The following PRKCE variants were observed in gnomAD, a reference collection of about 807,000 sequenced individuals.
PRKCE encodes the protein protein kinase C epsilon.
PRKCE carries 16 observed loss-of-function variants against 85.4 expected under a neutral mutation model. The ratio of observed to expected loss-of-function variants is 0.19; its 90% CI spans 0.13 to 0.28. The LOEUF is 0.28. Ranked by LOEUF, PRKCE falls within the 10% of genes least tolerant of loss-of-function variation. The pLI is 1.00. For synonymous variants in PRKCE, 388 were observed against 371.5 expected (o/e 1.04, Z -0.51); for missense variants, 573 against 975.2 (o/e 0.59, Z 5.49).
intron 1 of PRKCE, among the ~76,000 whole-genome samples, chr2:45,835,526 G>A (rs1478741334): frequency 6.6e-6 from 1 of 151,748 alleles, no homozygotes; most frequent in Non-Finnish European, 1.5e-5. Flanking sequence ...GGAATGCTAT[G>A]GTATATACTC....
chr2:46,106,755 G>A (rs114105940), intron 11 of PRKCE, among the ~76,000 whole-genome samples: 1 of 152,298 alleles, frequency 6.6e-6, no homozygotes, highest in African/African-American at 2.4e-5. Context: ...GGCCTTATTT[G>A]AATTAAATGA....
rs754540083 is a variant in PRKCE, at chr2:46,139,723, T to C, written c.1593-5370T>C. ...GTGTATATATATACATATATACATA[T>C]ACATATATATCTAGAGAGAGAGAGA... On this transcript the variant is annotated intron_variant, in intron 11 of 14. Transcript: ENST00000306156. This position sits in a 1 kb window ranked among gnomAD's most constrained non-coding sequence, Gnocchi z 5.2. Among the ~76,000 whole-genome samples the C allele has an allele frequency of 2.7e-4, 41 of 151,462 alleles. No individual in the cohort carries two copies. The highest frequency in any genetic ancestry group is 4.4e-4 in the Non-Finnish European group (30 of 67,930).
At chr2:46,116,793 T>A (rs1055385862) in intron 11 of PRKCE, among the ~76,000 whole-genome samples, 2 of 151,426 alleles carry the variant, frequency 1.3e-5, no homozygotes, top group African/African-American at 4.9e-5. Flanking sequence ...ATAGGAGGAG[T>A]AAAAGCATCC....
At chr2:46,074,716 A>G (rs1356321110) in intron 10 of PRKCE, among the ~76,000 whole-genome samples, 1 of 152,240 alleles carries the variant, frequency 6.6e-6, no homozygotes, top group East Asian at 1.9e-4. Context: ...TGTGAGGCCC[A>G]GCTCCAGCAT....
intron 12 of PRKCE, among the ~76,000 whole-genome samples, chr2:46,147,731 C>T (rs1676219680): frequency 6.6e-6 from 1 of 152,214 alleles, no homozygotes; most frequent in Non-Finnish European, 1.5e-5. Flanking sequence ...GTGCCCAGCC[C>T]ACAGGGAGTG....
chr2:45,997,511 G>C (rs1203385051), intron 6 of PRKCE, among the ~76,000 whole-genome samples: 1 of 151,742 alleles, frequency 6.6e-6, no homozygotes, highest in Non-Finnish European at 1.5e-5. Context: ...TAATTTTGAT[G>C]TTGTATTTTA....
chr2:45,974,207 C>G (rs1274673149), intron 2 of PRKCE, among the ~76,000 whole-genome samples: 1 of 152,224 alleles, frequency 6.6e-6, no homozygotes, highest in East Asian at 1.9e-4. Flanking sequence ...GAAACAAAAA[C>G]TTGCCTATGA....
At chr2:46,113,735 AG>A (rs1558468935) in intron 11 of PRKCE, among the ~76,000 whole-genome samples, 2 of 152,154 alleles carry the variant, frequency 1.3e-5, no homozygotes, top group African/African-American at 4.8e-5. Context: ...AGCCCTGGGT[AG>A]GGGTAGCTTT....
intron 1 of PRKCE, among the ~76,000 whole-genome samples, chr2:45,787,354 CAGAG>C (rs57126648): frequency 1.5e-4 from 22 of 151,274 alleles, no homozygotes; most frequent in African/African-American, 4.6e-4. Flanking sequence ...GAGACAGAGA[CAGAG>C]AGAGAGAGAG....
chr2:45,925,882 C>T (rs1177644411), intron 2 of PRKCE, among the ~76,000 whole-genome samples: 1 of 152,206 alleles, frequency 6.6e-6, no homozygotes, highest in African/African-American at 2.4e-5. Context: ...TTTGCATAAG[C>T]AGATAAAATA....
At chr2:45,829,946 G>A (rs1258058807) in intron 1 of PRKCE, among the ~76,000 whole-genome samples, 29 of 151,532 alleles carry the variant, frequency 1.9e-4, no homozygotes, top group Admixed American at 1.2e-3. Flanking sequence ...GGTAGCGGGC[G>A]CCTGTAGTCC....
chr2:46,131,300 T>TGGTCTTGAAGC (rs909564618), intron 11 of PRKCE, among the ~76,000 whole-genome samples: 3 of 152,268 alleles, frequency 2.0e-5, no homozygotes, highest in Admixed American at 2.0e-4. Flanking sequence ...ATTTGAGAAG[T>TGGTCTTGAAGC]GGTCTTGAAG....
chr2:45,739,466 C>G (rs1682365560), intron 1 of PRKCE, among the ~76,000 whole-genome samples: 1 of 152,158 alleles, frequency 6.6e-6, no homozygotes, highest in African/African-American at 2.4e-5. Context: ...CCTTTTACAG[C>G]CTGCAGAGGA....
intron 10 of PRKCE, among the ~76,000 whole-genome samples, chr2:46,025,587 G>A (rs1413964122): frequency 6.6e-6 from 1 of 152,132 alleles, no homozygotes; most frequent in African/African-American, 2.4e-5. Context: ...CCCCTTCCGG[G>A]TCACATACAC....
At chr2:45,728,374 T>C (rs1421351744) in intron 1 of PRKCE, among the ~76,000 whole-genome samples, 1 of 152,196 alleles carries the variant, frequency 6.6e-6, no homozygotes, top group African/African-American at 2.4e-5. Flanking sequence ...GATGTTGGAC[T>C]AGCAAGCCAG....
At chr2:46,045,308 A>G (rs142345921) in intron 10 of PRKCE, among the ~76,000 whole-genome samples, 115 of 152,374 alleles carry the variant, frequency 7.5e-4, no homozygotes, top group African/African-American at 2.6e-3. Flanking sequence ...TGACTGGGTC[A>G]TCAGTACTGC....
At chr2:45,884,968 TATATATATATATATATATATATATATATA>T (rs1695145289) in intron 2 of PRKCE, among the ~76,000 whole-genome samples, 1 of 60,590 alleles carries the variant, frequency 1.7e-5, no homozygotes, top group South Asian at 1.7e-3. Context: ...TATATATATA[TATATATATATATATATATATATATATATA>T]TATATTTGTT....
At chr2:45,666,916 C>T (rs993810285) in intron 1 of PRKCE, among the ~76,000 whole-genome samples, 8 of 152,186 alleles carry the variant, frequency 5.3e-5, no homozygotes, top group Admixed American at 6.5e-5. Flanking sequence ...TCATAACTCA[C>T]TGCAACCTTG....
At chr2:45,813,028 T>TTCTA (rs1688761337) in intron 1 of PRKCE, among the ~76,000 whole-genome samples, 1 of 152,164 alleles carries the variant, frequency 6.6e-6, no homozygotes, top group African/African-American at 2.4e-5. Flanking sequence ...CTATTGAAAA[T>TTCTA]TCTATCTCTG....
Sources: gnomAD v4.1 joint callset for allele counts (sites outside exome capture counted in the v4.1 genomes callset) on GRCh38, gnomAD v4.1.1 for gene constraint, Gnocchi (gnomAD v3.1) non-coding constraint, MANE v1.5 for transcripts, NCBI Gene and HGNC (gene_info 2026-07-23, HGNC 2026-07-21) for gene names.